Variants in FRMD1 observed in about 807,000 individuals in gnomAD.
FRMD1 encodes the protein FERM domain-containing protein 1.
A neutral mutation model predicts 54.9 loss-of-function variants in FRMD1; 51 were observed. The ratio of observed to expected loss-of-function variants is 0.93; its 90% CI spans 0.74 to 1.17. The LOEUF is 1.17. FRMD1 is among the 50% of genes most tolerant of loss of function. FRMD1 has a pLI of 0.00. For synonymous variants in FRMD1, 324 were observed against 306.4 expected (o/e 1.06, Z -0.60); for missense variants, 729 against 743.0 (o/e 0.98, Z 0.22).
chr6:168,086,241 G>GTGGACACCCGCGTCCCCAGCA (rs1193803507), upstream of FRMD1, among the ~76,000 whole-genome samples: 18 of 146,304 alleles, frequency 1.2e-4, no homozygotes, highest in Non-Finnish European at 1.5e-4. Context: ...CATCTTCAGT[G>GTGGACACCCGCGTCCCCAGCA]TGGACACCCG....
upstream of FRMD1, among the ~76,000 whole-genome samples, chr6:168,086,143 A>G (rs923209466): frequency 6.6e-6 from 1 of 152,024 alleles, no homozygotes; most frequent in Non-Finnish European, 1.5e-5. Flanking sequence ...GTGGACACCT[A>G]TACCCCAGCA....
Position 168,053,581 on chromosome 6 carries a change from A to C in FRMD1, c.*3516T>G, listed in dbSNP as rs2114929038. 1 of 152,408 alleles carries C rather than the reference A, an allele frequency of 6.6e-6. No individual in the cohort carries two copies. The highest frequency in any genetic ancestry group is 1.5e-5 in the Non-Finnish European group (1 of 68,080). 9.4% of individuals were successfully genotyped at this position (152,408 alleles called of 1,614,324 possible). A position where few individuals can be genotyped will look rare whatever the true frequency, so the allele number is the denominator to read the frequency against. ...CCCACAGGGCCCTCAGTGCCCCTCA[A>C]GGCGAAAGGAGCGTGACGGATGAAC... is the stretch of plus-strand genomic sequence containing the variant. On this transcript the variant is annotated 3_prime_UTR_variant, in exon 11 of 11. Transcript: ENST00000283309.
upstream of FRMD1, among the ~76,000 whole-genome samples, chr6:168,086,154 T>C (rs956907687): frequency 6.6e-6 from 1 of 152,048 alleles, no homozygotes; most frequent in African/African-American, 2.4e-5. Flanking sequence ...TACCCCAGCA[T>C]GGATACCACC....
Position 168,079,114 on chromosome 6 carries a change from C to G in FRMD1, c.-20G>C, listed in dbSNP as rs373229644. 127 of 1,574,350 alleles carry G rather than the reference C, an allele frequency of 8.1e-5. No individual in the cohort carries two copies. In the African/African-American group the frequency reaches 1.3e-3, roughly 17 times the overall value. On this transcript the variant is annotated 5_prime_UTR_variant, in exon 1 of 11. Coordinates refer to ENST00000283309, the MANE Select transcript of FRMD1 (RefSeq NM_024919.6). Reference sequence around the variant, plus strand: ...CGCCATGCTGTCGTTACTCGGCCCTCCCCCGCCATGGGTCGCAGGTGGGTG... The same window carrying G: ...CGCCATGCTGTCGTTACTCGGCCCTGCCCCGCCATGGGTCGCAGGTGGGTG...
At chr6:168,088,397 G>C (rs1800958193) in intron 1 of FRMD1, among the ~76,000 whole-genome samples, 1 of 152,138 alleles carries the variant, frequency 6.6e-6, no homozygotes, top group Non-Finnish European at 1.5e-5. Flanking sequence ...GAGCACAAAG[G>C]CCTCTCAGCT....
chr6:168,078,237 G>A (rs4708633), intron 1 of FRMD1, among the ~76,000 whole-genome samples: 120,891 of 151,942 alleles, frequency 0.8, 48,172 homozygotes, highest in Middle Eastern at 0.87. Context: ...AAAGGGAAAA[G>A]AAAAGGAAAT....
chr6:168,078,485 A>G (rs1800688323), intron 1 of FRMD1, among the ~76,000 whole-genome samples: 1 of 151,876 alleles, frequency 6.6e-6, no homozygotes, highest in African/African-American at 2.4e-5. Context: ...GGGACTTTCC[A>G]TACACAGGCT....
intron 8 of FRMD1, 66 bp downstream of exon 8, chr6:168,061,741 T>A: frequency 6.9e-7 from 1 of 1,451,632 alleles, no homozygotes; most frequent in Non-Finnish European, 9.2e-7. Context: ...CAGAGCCCAG[T>A]GTGCCCAGCC....
chr6:168,086,875 T>G (rs531036478), intron 1 of FRMD1, among the ~76,000 whole-genome samples: 1 of 152,372 alleles, frequency 6.6e-6, no homozygotes. Flanking sequence ...CTTGGGCACC[T>G]GTTAGCCAGG....
At chr6:168,075,522 G>A (rs910364736) in intron 1 of FRMD1, among the ~76,000 whole-genome samples, 187 bp from the exon 2 acceptor site, 5 of 152,146 alleles carry the variant, frequency 3.3e-5, no homozygotes, top group Admixed American at 1.3e-4. Flanking sequence ...CAGAGCACCT[G>A]TGAGTGCCGG....
In FRMD1 at chr6:168,054,605, G is replaced by C. The variant is rs1338935751; in HGVS notation, c.*2492C>G. On this transcript the variant is annotated 3_prime_UTR_variant, in exon 11 of 11. Coordinates refer to ENST00000283309, the MANE Select transcript of FRMD1 (RefSeq NM_024919.6). The stretch of plus-strand genomic sequence containing the variant: ...ACCCTCCTTCTTAGGAAACATCCCT[G>C]TCCCTACCAGTCGGTGTCCATTTTT... 1 of 150,338 alleles carries C rather than the reference G, an allele frequency of 6.7e-6. No individual in the cohort carries two copies. The highest frequency in any genetic ancestry group is 2.0e-4 in the East Asian group (1 of 5,100). The allele number at this position is 150,338 out of a possible 1,614,324, so 9.3% of individuals were successfully genotyped here.
chr6:168,081,239 A>T, upstream of FRMD1: 1 of 1,032,580 alleles, frequency 9.7e-7, no homozygotes, highest in East Asian at 2.8e-5. Context: ...ACCTCCCGCC[A>T]GGGCACTGAG....
At chr6:168,057,827 G>C (rs1385626595) in intron 10 of FRMD1, 1 of 176,622 alleles carries the variant, frequency 5.7e-6, no homozygotes, top group East Asian at 1.8e-4. Context: ...CTTCTCGGCT[G>C]CCGTGGCCCC....
intron 1 of FRMD1, among the ~76,000 whole-genome samples, chr6:168,087,610 G>A (rs1800943297): frequency 6.6e-6 from 1 of 152,230 alleles, no homozygotes; most frequent in South Asian, 2.1e-4. Flanking sequence ...GCTCTGACCT[G>A]CGTGGACTGG....
At chr6:168,081,601 T>G, upstream of FRMD1, 73 of 1,281,364 alleles carry the variant, frequency 5.7e-5, no homozygotes, top group South Asian at 7.1e-5. Context: ...TTCGGAGCTC[T>G]AGGTCCACAA....
At chr6:168,060,330 T>A (rs1170825508) in intron 9 of FRMD1, among the ~76,000 whole-genome samples, 1 of 90,208 alleles carries the variant, frequency 1.1e-5, no homozygotes, top group Non-Finnish European at 2.1e-5. Context: ...CTTCCCGGGA[T>A]GGGGAGCATT....
chr6:168,073,315 G>C (rs559048095), intron 2 of FRMD1, among the ~76,000 whole-genome samples: 1 of 151,076 alleles, frequency 6.6e-6, no homozygotes, highest in East Asian at 2.0e-4. Context: ...ACCCTGCCTG[G>C]AGAGTCTGAC....
intron 1 of FRMD1, among the ~76,000 whole-genome samples, chr6:168,091,366 T>C (rs1801013065): frequency 6.6e-6 from 1 of 152,200 alleles, no homozygotes; most frequent in Non-Finnish European, 1.5e-5. Flanking sequence ...CTGCCTGGAA[T>C]GTCCTTTCCA....
chr6:168,065,231 GC>G (rs1799970132), intron 4 of FRMD1, 174 bp from the exon 5 acceptor site: 1 of 1,384,962 alleles, frequency 7.2e-7, no homozygotes, highest in Non-Finnish European at 9.3e-7. Context: ...CACGGCACAG[GC>G]CCACACTCTT....
Sources: allele counts gnomAD v4.1 joint callset (sites outside exome capture counted in the v4.1 genomes callset), GRCh38; gene constraint gnomAD v4.1.1; transcripts MANE v1.5; gene names NCBI Gene and HGNC (gene_info 2026-07-23, HGNC 2026-07-21).